GAS1: variants seen among roughly 807,000 people sequenced by gnomAD.
GAS1 encodes growth arrest-specific protein 1.
GAS1 carries 10 observed loss-of-function variants against 21.6 expected under a neutral mutation model. The observed-to-expected ratio is 0.46, with a 90% confidence interval of 0.29 to 0.79. The LOEUF (loss-of-function observed/expected upper bound fraction) is 0.79, where lower values mean the gene tolerates loss of function less well. Ranked by LOEUF, GAS1 falls within the 30% of genes least tolerant of loss-of-function variation. The pLI is 0.10. For missense variants in GAS1, 567 were observed against 544.3 expected (o/e 1.04, Z -0.42); for synonymous variants, 332 against 264.0 (o/e 1.26, Z -2.50).
At position 86,945,725 on chromosome 9, in the gene GAS1, G is replaced by A. The variant is rs1825473340; in HGVS notation, c.*17C>T. The A allele has an allele frequency of 1.3e-6, 2 of 1,527,202 alleles. No homozygotes were observed. Among genetic ancestry groups the A allele is most frequent in the East Asian group, 2.6e-5 (1 of 38,958 alleles). 94.6% of individuals were successfully genotyped at this position (1,527,202 alleles called of 1,614,324 possible). A position where few individuals can be genotyped will look rare whatever the true frequency, so the allele number is the denominator to read the frequency against. On this transcript the variant is annotated 3_prime_UTR_variant, in exon 1 of 1. Coordinates refer to ENST00000298743, the MANE Select transcript of GAS1 (RefSeq NM_002048.3). ...GGACGCGGGCTCTCCCGCAGCCAAC[G>A]GCGGGGGGCGCGAGGGCTAAAAGAG... is the stretch of plus-strand genomic sequence containing the variant.
Position 86,946,225 on chromosome 9 carries a change from G to A in GAS1, c.555C>T (p.Arg185=), listed in dbSNP as rs1379580496. The A allele has an allele frequency of 6.3e-7, 1 of 1,594,230 alleles. No individual in the cohort carries two copies. The highest frequency in any genetic ancestry group is 1.1e-5 in the South Asian group (1 of 89,782). The change falls in exon 1 of 1, where the codon CGC becomes CGT. Residue 185 remains arginine (R), a synonymous_variant. Coordinates refer to ENST00000298743, the MANE Select transcript of GAS1 (RefSeq NM_002048.3). This position sits in a 1 kb window ranked among gnomAD's most constrained non-coding sequence, Gnocchi z 5.2. ...RDSRCNLALS[R]YLTYCGKVFN... ...AGACTTTGCCGCAGTAGGTCAGGTA[G>A]CGGCTCAGCGCCAGGTTGCAGCGGC...
rs1265596522 is a variant in GAS1 at position 86,947,233 on chromosome 9, T to TCGCCGC, written c.-460_-455dup. 3.3e-5 allele frequency: 5 copies of TCGCCGC among 150,958 alleles called. No individual in the cohort carries two copies. Among genetic ancestry groups the TCGCCGC allele is most frequent in the Non-Finnish European group, 7.4e-5 (5 of 67,654 alleles). The allele number at this position is 150,958 out of a possible 1,614,324, so 9.4% of individuals were successfully genotyped here. Reference sequence around the variant, plus strand: ...GCTCCTTCCTCCTGGGCTCAGTGCCTCGCCGCCGCCACCGCCGCCGCGGTC... The same window carrying TCGCCGC: ...GCTCCTTCCTCCTGGGCTCAGTGCCTCGCCGCCGCCGCCGCCACCGCCGCCGCGGTC... On this transcript the variant is annotated 5_prime_UTR_variant, in exon 1 of 1. Coordinates refer to ENST00000298743, the MANE Select transcript of GAS1 (RefSeq NM_002048.3).
Position 86,945,892 on chromosome 9 carries a change from C to G in GAS1, c.888G>C (p.Pro296=). 2.6e-6 allele frequency: 4 copies of G among 1,518,630 alleles called. No homozygotes were observed. Among genetic ancestry groups the G allele is most frequent in the South Asian group, 1.3e-5 (1 of 78,898 alleles). The allele number at this position is 1,518,630 out of a possible 1,614,324, so 94.1% of individuals were successfully genotyped here. A position where few individuals can be genotyped will look rare whatever the true frequency, so the allele number is the denominator to read the frequency against. Residue 296 remains proline (P), a synonymous_variant, in exon 1 of 1, where the codon CCG becomes CCC. Transcript: ENST00000298743. ...DDDGVPHPPR[P]GSGAAASGGR... ...CGCCCGATGCAGCAGCGCCGCTGCCCGGGCGCGGTGGGTGCGGGACGCCGT... is the reference window on the plus strand; with the variant it reads ...CGCCCGATGCAGCAGCGCCGCTGCCGGGGCGCGGTGGGTGCGGGACGCCGT...
chr9:86,946,768 C>G lies in GAS1; in HGVS notation c.12G>C (p.Ala4=), dbSNP rs1825504528. 2.8e-6 allele frequency: 3 copies of G among 1,087,940 alleles called. No individual in the cohort carries two copies. The highest frequency in any genetic ancestry group is 3.6e-6 in the Non-Finnish European group (3 of 823,428). 67.4% of individuals were successfully genotyped at this position (1,087,940 alleles called of 1,614,324 possible). Residue 4 remains alanine (A), a synonymous_variant, in exon 1 of 1, where the codon GCG becomes GCC. Coordinates refer to ENST00000298743, the MANE Select transcript of GAS1 (RefSeq NM_002048.3). This position sits in a 1 kb window ranked among gnomAD's most constrained non-coding sequence, Gnocchi z 5.2. MVA[A]LLGGGGEARG... ...GGGCCTCGCCGCCGCCGCCCAGCAG[C>G]GCGGCCACCATCGCGGGCAGCGGCG...
rs548631933 is a variant in GAS1 at position 86,944,646 on chromosome 9, A to G, written c.*1096T>C. 12 of 152,302 alleles carry G rather than the reference A, an allele frequency of 7.9e-5. No individual in the cohort carries two copies. In the East Asian group the frequency reaches 1.4e-3, roughly 17 times the overall value. 9.4% of individuals were successfully genotyped at this position (152,302 alleles called of 1,614,324 possible). A position where few individuals can be genotyped will look rare whatever the true frequency, so the allele number is the denominator to read the frequency against. On this transcript the variant is annotated 3_prime_UTR_variant, in exon 1 of 1. Coordinates refer to ENST00000298743, the MANE Select transcript of GAS1 (RefSeq NM_002048.3). ...AATGGACTGTGGGTTTTGATTCCTG[A>G]TGACAAATGGATTCTATACATTTCA...
chr9:86,946,676 G>C lies in GAS1; in HGVS notation c.104C>G (p.Pro35Arg), dbSNP rs779176912. 1.5e-5 allele frequency: 22 copies of C among 1,422,876 alleles called. No individual in the cohort carries two copies. The South Asian group carries it at 2.8e-4, about 18-fold the overall frequency. The allele number at this position is 1,422,876 out of a possible 1,614,324, so 88.1% of individuals were successfully genotyped here. ...MALLQLLGSA[P>R]RGSGLAHGRR... Reference sequence around the variant, plus strand: ...GCCGTGCGCCAGCCCCGATCCCCGCGGCGCCGAGCCCAGCAGCTGCAGCAG... The same window carrying C: ...GCCGTGCGCCAGCCCCGATCCCCGCCGCGCCGAGCCCAGCAGCTGCAGCAG... The change falls in exon 1 of 1, where the codon CCG (proline) becomes CGG (arginine). Residue 35 changes from proline to arginine, a missense_variant. Pro to Arg is a moderately radical substitution (Grantham distance 103, BLOSUM62 -2). Coordinates refer to ENST00000298743, the MANE Select transcript of GAS1 (RefSeq NM_002048.3). The surrounding 1 kb of genome is among the most constrained non-coding windows in gnomAD (Gnocchi z 5.2).
At position 86,946,533 on chromosome 9, in the gene GAS1, C is replaced by A. The variant is rs1415730292; in HGVS notation, c.247G>T (p.Asp83Tyr). The A allele has an allele frequency of 8.4e-5, 118 of 1,402,328 alleles. No homozygotes were observed. The highest frequency in any genetic ancestry group is 1.1e-4 in the Non-Finnish European group (116 of 1,082,026). 86.9% of individuals were successfully genotyped at this position (1,402,328 alleles called of 1,614,324 possible). The change falls in exon 1 of 1, where the codon GAC (aspartate) becomes TAC (tyrosine). Residue 83 changes from aspartate (D) to tyrosine (Y), a missense_variant. Coordinates refer to ENST00000298743, the MANE Select transcript of GAS1 (RefSeq NM_002048.3). This position sits in a 1 kb window ranked among gnomAD's most constrained non-coding sequence, Gnocchi z 5.2. ...APVLAQHGGG[D>Y]APGAAAAAFP... The stretch of plus-strand genomic sequence containing the variant: ...GCGGCGGCGGCGGCCCCGGGCGCGT[C>A]GCCCCCGCCGTGCTGCGCCAGCACC...
rs7869285 is a variant in GAS1, at chr9:86,944,619, A to C, written c.*1123T>G. ...GACTGTTCTAAATATAGCACACTTC[A>C]CAATGGACTGTGGGTTTTGATTCCT... On this transcript the variant is annotated 3_prime_UTR_variant, in exon 1 of 1. Coordinates refer to ENST00000298743, the MANE Select transcript of GAS1 (RefSeq NM_002048.3). The C allele has an allele frequency of 1.8e-3, 278 of 152,360 alleles. 2 individuals carry two copies. Among genetic ancestry groups the C allele is most frequent in the African/African-American group, 6.4e-3 (265 of 41,578 alleles). The allele number at this position is 152,360 out of a possible 1,614,324, so 9.4% of individuals were successfully genotyped here.
Position 86,946,341 on chromosome 9 carries a change from G to T in GAS1, c.439C>A (p.Leu147Met), listed in dbSNP as rs977225070. 81 of 1,452,446 alleles carry T rather than the reference G, an allele frequency of 5.6e-5. No individual in the cohort carries two copies. The highest frequency in any genetic ancestry group is 6.6e-5 in the Non-Finnish European group (73 of 1,104,032). The allele number at this position is 1,452,446 out of a possible 1,614,324, so 90.0% of individuals were successfully genotyped here. A position where few individuals can be genotyped will look rare whatever the true frequency, so the allele number is the denominator to read the frequency against. The change falls in exon 1 of 1, where the codon CTG (leucine) becomes ATG (methionine). Residue 147 changes from leucine (L) to methionine (M), a missense_variant. By Grantham distance (15) the Leu-to-Met change is conservative. Coordinates refer to ENST00000298743, the MANE Select transcript of GAS1 (RefSeq NM_002048.3). The surrounding 1 kb of genome is among the most constrained non-coding windows in gnomAD (Gnocchi z 5.2). Reference sequence around the variant, plus strand: ...GCGCCGCCGCCGCTCGTCCGGGGCAGGCACGGCTCAATGGCGCGCTTGGTG... The same window carrying T: ...GCGCCGCCGCCGCTCGTCCGGGGCATGCACGGCTCAATGGCGCGCTTGGTG... ...KSTKRAIEPC[L>M]PRTSGGGAGG...
Position 86,947,001 on chromosome 9 carries a change from T to G in GAS1, c.-222A>C. The G allele has an allele frequency of 3.3e-6, 1 of 307,114 alleles. No homozygotes were observed. The allele number at this position is 307,114 out of a possible 1,614,324, so 19.0% of individuals were successfully genotyped here. A position where few individuals can be genotyped will look rare whatever the true frequency, so the allele number is the denominator to read the frequency against. On this transcript the variant is annotated 5_prime_UTR_variant, in exon 1 of 1. Coordinates refer to ENST00000298743, the MANE Select transcript of GAS1 (RefSeq NM_002048.3). The stretch of plus-strand genomic sequence containing the variant: ...CTGGAAATGAACAGCTGTCGAGATC[T>G]GGTCCCGCTCTCCCACCCGAGAGCC...
Position 86,946,351 on chromosome 9 carries a change from A to T in GAS1, c.429T>A (p.Ile143=). ...CGCTCGTCCGGGGCAGGCACGGCTC[A>T]ATGGCGCGCTTGGTGGACTTGCAGT... is the stretch of plus-strand genomic sequence containing the variant. The part of the protein sequence containing the change: ...DENCKSTKRA[I]EPCLPRTSGG... Residue 143 remains isoleucine, a synonymous_variant, in exon 1 of 1, where the codon ATT becomes ATA. Transcript: ENST00000298743. The surrounding 1 kb of genome is among the most constrained non-coding windows in gnomAD (Gnocchi z 5.2). The T allele has an allele frequency of 6.8e-7, 1 of 1,464,892 alleles. No homozygotes were observed. Among genetic ancestry groups the T allele is most frequent in the African/African-American group, 1.5e-5 (1 of 67,790 alleles). The allele number at this position is 1,464,892 out of a possible 1,614,324, so 90.7% of individuals were successfully genotyped here.
Sources: gnomAD v4.1 joint callset for allele counts on GRCh38, gnomAD v4.1.1 for gene constraint, Gnocchi (gnomAD v3.1) non-coding constraint, MANE v1.5 for transcripts, NCBI Gene and HGNC (gene_info 2026-07-23, HGNC 2026-07-21) for gene names.